RPL26L1: variants seen among roughly 807,000 people sequenced by gnomAD.
The protein encoded by RPL26L1 is ribosomal protein L26 like 1.
A neutral mutation model predicts 15.2 loss-of-function variants in RPL26L1; 8 were observed. That is an observed-to-expected ratio of 0.53 (90% CI 0.31 to 0.95). The LOEUF is 0.95. Ranked by LOEUF, RPL26L1 falls within the 40% of genes least tolerant of loss-of-function variation. The pLI, the probability that RPL26L1 is intolerant of heterozygous loss-of-function variation, is 0.05. For missense variants in RPL26L1, 146 were observed against 190.9 expected (o/e 0.76, Z 1.39); for synonymous variants, 51 against 65.9 (o/e 0.77, Z 1.09).
intron 2 of RPL26L1, among the ~76,000 whole-genome samples, chr5:172,966,948 C>G (rs1187692019): frequency 6.6e-6 from 1 of 151,772 alleles, no homozygotes. Context: ...CTCCGCCTTC[C>G]AGGTTCAAGT....
intron 2 of RPL26L1, among the ~76,000 whole-genome samples, chr5:172,965,606 C>G (rs980776784): frequency 3.9e-5 from 6 of 152,226 alleles, no homozygotes; most frequent in Admixed American, 6.5e-5. Flanking sequence ...ACCTTATCCT[C>G]TGTGTTCTTG....
chr5:172,960,002 T>C lies in RPL26L1; in HGVS notation c.129T>C (p.Asn43=). The C allele has an allele frequency of 1.2e-6, 2 of 1,614,180 alleles. No individual in the cohort carries two copies. Among genetic ancestry groups the C allele is most frequent in the Non-Finnish European group, 1.7e-6 (2 of 1,180,028 alleles). Residue 43 remains asparagine, a synonymous_variant, in exon 2 of 4, where the codon AAT becomes AAC. Transcript: ENST00000265100. ...CCAAGGAGCTGCGGCAGAAGTACAA[T>C]GTCCGCTCCATGCCCATCCGCAAGG... ...PLSKELRQKY[N]VRSMPIRKDD... is the part of the protein sequence containing the mutation.
intron 2 of RPL26L1, among the ~76,000 whole-genome samples, chr5:172,966,957 G>T (rs1257713084): frequency 6.6e-6 from 1 of 151,640 alleles, no homozygotes; most frequent in Non-Finnish European, 1.5e-5. Context: ...CCAGGTTCAA[G>T]TGATTCTCCT....
chr5:172,959,616 C>T, intron 1 of RPL26L1, 148 bp downstream of exon 1: 4 of 1,261,958 alleles, frequency 3.2e-6, no homozygotes, highest in East Asian at 3.9e-5. Context: ...GCATTCCTTC[C>T]TCAGCCTCAA....
intron 2 of RPL26L1, among the ~76,000 whole-genome samples, 188 bp from the exon 3 acceptor site, chr5:172,968,271 T>TA (rs1320410018): frequency 1.3e-5 from 2 of 152,098 alleles, no homozygotes; most frequent in Non-Finnish European, 2.9e-5. Flanking sequence ...GGGATCCAGG[T>TA]AAAAAATCTC....
chr5:172,968,821 T>C (rs1458206762), intron 3 of RPL26L1, among the ~76,000 whole-genome samples: 2 of 139,982 alleles, frequency 1.4e-5, no homozygotes, highest in Admixed American at 7.3e-5. Flanking sequence ...TTTTTTTTTT[T>C]TTTTTGAGAC....
chr5:172,955,971 A>G (rs527981394), upstream of RPL26L1: 1 of 152,354 alleles, frequency 6.6e-6, no homozygotes, highest in East Asian at 1.9e-4. Context: ...AAAACTGGAA[A>G]TAGGGGTGGT....
chr5:172,968,419 C>T lies in RPL26L1; in HGVS notation c.169-40C>T, dbSNP rs745609766. The T allele has an allele frequency of 4.4e-6, 7 of 1,606,948 alleles. 1 individual carries two copies. In the South Asian group the frequency reaches 6.6e-5, roughly 15 times the overall value. The stretch of plus-strand genomic sequence containing the variant: ...TTAGCTTCCTCTTTATGATCATGCA[C>T]TACAAATGGAGGGGGATTCTCTTTT... On this transcript the variant is annotated intron_variant, in intron 2 of 3. Coordinates refer to ENST00000265100, the MANE Select transcript of RPL26L1 (RefSeq NM_016093.4).
chr5:172,954,919 G>A (rs757145382), upstream of RPL26L1: 16 of 456,064 alleles, frequency 3.5e-5, no homozygotes, highest in African/African-American at 6.0e-5. Context: ...CCAGGGGTGC[G>A]TGACAGGTTG....
At chr5:172,968,379 A>G in intron 2 of RPL26L1, 80 bp from the exon 3 acceptor site, 1 of 1,550,820 alleles carries the variant, frequency 6.4e-7, no homozygotes, top group South Asian at 1.2e-5. Context: ...TGTTTAGCCC[A>G]TGTGTTCCTG....
At chr5:172,969,225 A>C (rs1399858061) in intron 3 of RPL26L1, among the ~76,000 whole-genome samples, 188 bp from the exon 4 acceptor site, 1 of 152,094 alleles carries the variant, frequency 6.6e-6, no homozygotes, top group Non-Finnish European at 1.5e-5. Flanking sequence ...CCTCATGCCT[A>C]CCTAGTGGAA....
chr5:172,959,743 C>T, intron 1 of RPL26L1, 122 bp from the exon 2 acceptor site: 2 of 1,255,942 alleles, frequency 1.6e-6, no homozygotes, highest in Non-Finnish European at 1.1e-6. Context: ...CCTCAGTTGC[C>T]TTTTCAGAGG....
rs386405707 is a variant in RPL26L1 at position 172,966,313 on chromosome 5, A to ATTTTTTTTTTT, written c.169-2127_169-2117dup. The stretch of plus-strand genomic sequence containing the variant: ...CGCATGCCACCATGTCTGGCTAACT[A>ATTTTTTTTTTT]TTTTTTTTTTTTTTTTTTTTTTTTT... On this transcript the variant is annotated intron_variant, in intron 2 of 3. Transcript: ENST00000265100. 4.1e-4 allele frequency among the ~76,000 whole-genome samples: 26 copies of ATTTTTTTTTTT among 63,664 alleles called. 2 individuals are homozygous for ATTTTTTTTTTT. The highest frequency in any genetic ancestry group is 5.7e-4 in the Non-Finnish European group (21 of 37,014). 41.8% of individuals were successfully genotyped at this position (63,664 alleles called of 152,430 possible).
intron 2 of RPL26L1, among the ~76,000 whole-genome samples, chr5:172,963,884 A>AT (rs1344605082): frequency 6.6e-6 from 1 of 152,126 alleles, no homozygotes; most frequent in East Asian, 1.9e-4. Context: ...GTGGTCATGT[A>AT]TTTGTCTATG....
chr5:172,964,281 C>CTT (rs1204432096), intron 2 of RPL26L1, among the ~76,000 whole-genome samples: 25 of 99,234 alleles, frequency 2.5e-4, no homozygotes, highest in African/African-American at 8.7e-4. Flanking sequence ...GGCCTGTTGC[C>CTT]TTTTTTTTTT....
At chr5:172,954,574 C>CA (rs70984924), upstream of RPL26L1, among the ~76,000 whole-genome samples, 1 of 149,512 alleles carries the variant, frequency 6.7e-6, no homozygotes, top group African/African-American at 2.5e-5. Context: ...AACTCTGTCT[C>CA]AAAAAAGAGA....
chr5:172,969,664 T>C lies in RPL26L1; in HGVS notation c.*123T>C. ...GTTTTGTTACCTGTGCCTCTGTAAATCTACTTTTGCAATTTTAAGTAATAA... is the reference window on the plus strand; with the variant it reads ...GTTTTGTTACCTGTGCCTCTGTAAACCTACTTTTGCAATTTTAAGTAATAA... On this transcript the variant is annotated 3_prime_UTR_variant, in exon 4 of 4. Transcript: ENST00000265100. The C allele has an allele frequency of 1.0e-6, 1 of 999,610 alleles. No homozygotes were observed. Among genetic ancestry groups the C allele is most frequent in the South Asian group, 2.0e-5 (1 of 50,004 alleles). 61.9% of individuals were successfully genotyped at this position (999,610 alleles called of 1,614,324 possible). A position where few individuals can be genotyped will look rare whatever the true frequency, so the allele number is the denominator to read the frequency against.
upstream of RPL26L1, chr5:172,954,900 CA>C (rs1395839287): frequency 2.2e-6 from 1 of 456,028 alleles, no homozygotes. Flanking sequence ...GATTACAGAG[CA>C]AAACCCTCCA....
At chr5:172,961,530 A>G (rs973139132) in intron 2 of RPL26L1, among the ~76,000 whole-genome samples, 34 of 152,150 alleles carry the variant, frequency 2.2e-4, no homozygotes, top group African/African-American at 8.2e-4. Flanking sequence ...TTTGTTCTCT[A>G]TTCATAACCA....
Sources: gnomAD v4.1 joint callset for allele counts (sites outside exome capture counted in the v4.1 genomes callset) on GRCh38, gnomAD v4.1.1 for gene constraint, MANE v1.5 for transcripts, NCBI Gene and HGNC (gene_info 2026-07-23, HGNC 2026-07-21) for gene names.